The following RBPJ variants were observed in gnomAD, a reference collection of about 807,000 sequenced individuals.
RBPJ encodes the protein recombining binding protein suppressor of hairless.
In RBPJ, 9 loss-of-function variants were observed where a neutral mutation model predicts 67.8. The ratio of observed to expected loss-of-function variants is 0.13; its 90% CI spans 0.08 to 0.23. The LOEUF is 0.23. RBPJ is among the 10% of genes least tolerant of loss of function. The probability of loss-of-function intolerance (pLI) is 1.00; values close to 1 mark genes in which losing one functional copy is unlikely to be tolerated. For missense variants in RBPJ, 305 were observed against 595.6 expected, an observed-to-expected ratio of 0.51 and a Z score of 5.08; for synonymous variants, 198 against 203.3, an observed-to-expected ratio of 0.97 and a Z score of 0.22.
intron 1 of RBPJ, among the ~76,000 whole-genome samples, chr4:26,197,561 A>C (rs1259823532): frequency 1.3e-5 from 2 of 152,194 alleles, no homozygotes; most frequent in African/African-American, 4.8e-5. Flanking sequence ...CTCGGCACTG[A>C]TGCTCAAACC....
chr4:26,106,075 T>C, the RBPJ span, among the ~76,000 whole-genome samples: 1 of 152,176 alleles, frequency 6.6e-6, no homozygotes, highest in Non-Finnish European at 1.5e-5. Flanking sequence ...CCTCTGTCAT[T>C]CCAAAGAGGT....
chr4:26,333,487 C>T (rs183292749), intron 1 of RBPJ, among the ~76,000 whole-genome samples: 1 of 152,144 alleles, frequency 6.6e-6, no homozygotes, highest in East Asian at 1.9e-4. Context: ...CTCAAAGTTT[C>T]TCTGAAGTAG....
intron 1 of RBPJ, among the ~76,000 whole-genome samples, chr4:26,292,674 G>A (rs1370986959): frequency 6.7e-6 from 1 of 150,286 alleles, no homozygotes; most frequent in Non-Finnish European, 1.5e-5. Context: ...CACCTGCCTT[G>A]GCCTCCCAAA....
intron 1 of RBPJ, among the ~76,000 whole-genome samples, chr4:26,373,775 T>C (rs911294670): frequency 2.6e-5 from 4 of 152,208 alleles, no homozygotes; most frequent in African/African-American, 9.7e-5. Context: ...CAAGAGAAAT[T>C]GTTTCAGCAT....
chr4:26,338,812 A>G (rs1725184021), intron 1 of RBPJ, among the ~76,000 whole-genome samples: 1 of 150,972 alleles, frequency 6.6e-6, no homozygotes, highest in African/African-American at 2.4e-5. Context: ...TGACCTCGTG[A>G]TCCACCTGCC....
At chr4:26,185,091 G>A (rs973658244) in intron 1 of RBPJ, among the ~76,000 whole-genome samples, 2 of 150,822 alleles carry the variant, frequency 1.3e-5, no homozygotes, top group South Asian at 2.1e-4. Flanking sequence ...AGAGTGAGCC[G>A]ACATTGCGCC....
At chr4:26,339,447 G>A (rs797020104) in intron 1 of RBPJ, among the ~76,000 whole-genome samples, 41 of 151,326 alleles carry the variant, frequency 2.7e-4, no homozygotes, top group African/African-American at 7.3e-4. Context: ...TAGCCTGGCC[G>A]ACATGGTGAA....
chr4:26,325,173 G>A (rs1385322372), intron 1 of RBPJ, among the ~76,000 whole-genome samples: 3 of 151,910 alleles, frequency 2.0e-5, no homozygotes, highest in African/African-American at 4.8e-5. Flanking sequence ...ACTGAGAACT[G>A]ATCATTTTTC....
intron 1 of RBPJ, among the ~76,000 whole-genome samples, chr4:26,228,991 T>C (rs1719181624): frequency 6.6e-6 from 1 of 152,234 alleles, no homozygotes; most frequent in Admixed American, 6.5e-5. Context: ...TATTGGCTGA[T>C]GGTGCAAGTC....
chr4:26,382,212 T>C (rs1205640966), intron 1 of RBPJ, among the ~76,000 whole-genome samples: 1 of 152,222 alleles, frequency 6.6e-6, no homozygotes, highest in Non-Finnish European at 1.5e-5. Context: ...AATGTGTACC[T>C]TCTTTCCCAG....
chr4:26,259,475 CT>C (rs1720457012), intron 1 of RBPJ, among the ~76,000 whole-genome samples: 1 of 152,154 alleles, frequency 6.6e-6, no homozygotes, highest in African/African-American at 2.4e-5. Flanking sequence ...GTAGCCATTG[CT>C]TTGATTGTGC....
intron 1 of RBPJ, among the ~76,000 whole-genome samples, chr4:26,273,333 C>T (rs1341869364): frequency 6.6e-6 from 1 of 152,204 alleles, no homozygotes; most frequent in Non-Finnish European, 1.5e-5. Flanking sequence ...GGTTTTATTA[C>T]ATAAAGCCCC....
intron 2 of RBPJ, among the ~76,000 whole-genome samples, chr4:26,391,570 A>G (rs966503549): frequency 2.0e-5 from 3 of 152,246 alleles, no homozygotes; most frequent in Non-Finnish European, 4.4e-5. Flanking sequence ...AGAAGAAAAC[A>G]TAGGAGAAAA....
At chr4:26,208,091 G>C (rs536866261) in intron 1 of RBPJ, among the ~76,000 whole-genome samples, 1 of 152,304 alleles carries the variant, frequency 6.6e-6, no homozygotes, top group East Asian at 1.9e-4. Context: ...GGCAGGACTG[G>C]GCTTCAAGCG....
At chr4:26,300,487 CT>C (rs1221014816) in intron 1 of RBPJ, among the ~76,000 whole-genome samples, 2 of 152,204 alleles carry the variant, frequency 1.3e-5, no homozygotes, top group Non-Finnish European at 2.9e-5. Flanking sequence ...TGAAACCTTC[CT>C]TCATGAAATG....
chr4:26,113,332 T>G, the RBPJ span: 2 of 526,296 alleles, frequency 3.8e-6, no homozygotes, highest in Non-Finnish European at 7.5e-6. Flanking sequence ...ACGAATGTGG[T>G]GAATGTGGGA....
At chr4:26,283,131 G>A (rs191173677) in intron 1 of RBPJ, among the ~76,000 whole-genome samples, 4,109 of 148,414 alleles carry the variant, frequency 0.028, 198 homozygotes, top group African/African-American at 0.094. Flanking sequence ...GGGTTTCACC[G>A]TGTTAGCCAG....
chr4:26,348,662 C>A (rs1048546516), intron 1 of RBPJ, among the ~76,000 whole-genome samples: 4 of 152,092 alleles, frequency 2.6e-5, no homozygotes, highest in African/African-American at 9.6e-5. Flanking sequence ...AAGCTTTTCA[C>A]CTCAACAACA....
intron 1 of RBPJ, among the ~76,000 whole-genome samples, chr4:26,326,641 GATAATT>G (rs1011673689): frequency 1.3e-5 from 2 of 151,090 alleles, no homozygotes; most frequent in African/African-American, 4.8e-5. Flanking sequence ...AATAGGGGAT[GATAATT>G]ATATTTTATC....
Sources: gnomAD v4.1 joint callset for allele counts (sites outside exome capture counted in the v4.1 genomes callset) on GRCh38, gnomAD v4.1.1 for gene constraint, MANE v1.5 for transcripts, NCBI Gene and HGNC (gene_info 2026-07-23, HGNC 2026-07-21) for gene names.